The following MED13L variants were observed in gnomAD, a reference collection of about 807,000 sequenced individuals.
The protein encoded by MED13L is mediator complex subunit 13L.
A neutral mutation model predicts 220.9 loss-of-function variants in MED13L; 7 were observed. The observed-to-expected ratio is 0.03, with a 90% CI of 0.02 to 0.06. The LOEUF (loss-of-function observed/expected upper bound fraction) is 0.06. Ranked by LOEUF, MED13L falls within the 10% of genes least tolerant of loss-of-function variation. The probability of loss-of-function intolerance (pLI) is 1.00; values close to 1 mark genes in which losing one functional copy is unlikely to be tolerated. For synonymous variants in MED13L, 1,011 were observed against 1,015.2 expected, an observed-to-expected ratio of 1.00 and a Z score of 0.08; for missense variants, 1,965 against 2,760.5, an observed-to-expected ratio of 0.71 and a Z score of 6.46.
intron 17 of MED13L, among the ~76,000 whole-genome samples, chr12:115,989,760 CA>C (rs1414926803): frequency 6.6e-6 from 1 of 152,134 alleles, no homozygotes; most frequent in Non-Finnish European, 1.5e-5. Context: ...CCCTTATCCC[CA>C]AAACTCAACT....
In MED13L at chr12:116,015,420, T is replaced by A. The variant is rs1048028199; in HGVS notation, c.1010-146A>T. 17 of 815,218 alleles carry A rather than the reference T, an allele frequency of 2.1e-5. No individual in the cohort carries two copies. The African/African-American group carries it at 2.9e-4, about 14-fold the overall frequency. The allele number at this position is 815,218 out of a possible 1,614,324, so 50.5% of individuals were successfully genotyped here. On this transcript the variant is annotated intron_variant, in intron 7 of 30. Coordinates refer to ENST00000281928, the MANE Select transcript of MED13L (RefSeq NM_015335.5). The stretch of plus-strand genomic sequence containing the variant: ...TCCCTATCCCCTGGCAATAACACTA[T>A]CTATAATCATGAGTAAAATTTCTAT...
intron 2 of MED13L, among the ~76,000 whole-genome samples, chr12:116,182,737 T>C (rs949757793): frequency 6.6e-6 from 1 of 152,110 alleles, no homozygotes; most frequent in South Asian, 2.1e-4. Flanking sequence ...AGAACACAAT[T>C]TGGAAACTAA....
At chr12:116,064,294 T>C (rs1221364416) in intron 4 of MED13L, among the ~76,000 whole-genome samples, 2 of 152,102 alleles carry the variant, frequency 1.3e-5, no homozygotes, top group African/African-American at 2.4e-5. Flanking sequence ...GCTATGTAAA[T>C]AGTAGACTGT....
chr12:115,978,403 T>A, intron 23 of MED13L, among the ~76,000 whole-genome samples: 1 of 150,654 alleles, frequency 6.6e-6, no homozygotes, highest in Middle Eastern at 3.4e-3. Context: ...CTTGGCTCAC[T>A]GCAACCTCCA....
intron 14 of MED13L, among the ~76,000 whole-genome samples, chr12:115,998,128 A>G (rs557998330): frequency 1.3e-5 from 2 of 150,892 alleles, no homozygotes; most frequent in African/African-American, 4.9e-5. Flanking sequence ...CTCCTTCTTT[A>G]AAAAAAAAGT....
intron 2 of MED13L, among the ~76,000 whole-genome samples, chr12:116,234,824 A>AT (rs558295895): frequency 2.5e-4 from 37 of 146,202 alleles, no homozygotes; most frequent in East Asian, 4.0e-4. Context: ...CACCTGGCTA[A>AT]TTTTTTTTTT....
chr12:116,102,703 C>CTTTCTT (rs1873177078), intron 3 of MED13L, among the ~76,000 whole-genome samples: 1 of 63,204 alleles, frequency 1.6e-5, no homozygotes. Flanking sequence ...TTTTCTTTTT[C>CTTTCTT]TTTTTTCTTT....
At chr12:116,086,875 T>C (rs1306993175) in intron 4 of MED13L, among the ~76,000 whole-genome samples, 2 of 152,200 alleles carry the variant, frequency 1.3e-5, no homozygotes, top group African/African-American at 2.4e-5. Flanking sequence ...TTCAAATTCA[T>C]ACCAAAATCA....
intron 1 of MED13L, among the ~76,000 whole-genome samples, chr12:116,251,485 C>G (rs1303481893): frequency 7.0e-6 from 1 of 142,514 alleles, no homozygotes; most frequent in Non-Finnish European, 1.5e-5. Context: ...ACTGGCCAGA[C>G]GAGGTGGCTC....
chr12:116,070,400 G>A (rs1473065398), intron 4 of MED13L, among the ~76,000 whole-genome samples: 1 of 152,122 alleles, frequency 6.6e-6, no homozygotes, highest in Non-Finnish European at 1.5e-5. Flanking sequence ...CTAGGTCAAG[G>A]CACTCTCCTA....
At chr12:116,002,435 ACC>A (rs1434513391) in intron 14 of MED13L, among the ~76,000 whole-genome samples, 1 of 152,130 alleles carries the variant, frequency 6.6e-6, no homozygotes, top group East Asian at 1.9e-4. Flanking sequence ...CACATAAGCT[ACC>A]CTTTTTTTTC....
intron 2 of MED13L, among the ~76,000 whole-genome samples, chr12:116,128,474 A>G (rs1875791106): frequency 6.6e-6 from 1 of 152,146 alleles, no homozygotes; most frequent in African/African-American, 2.4e-5. Flanking sequence ...ATAAATTAAA[A>G]TACCACAATA....
Position 115,987,102 on chromosome 12 carries a change from A to G in MED13L, c.4114+7T>C. The G allele has an allele frequency of 6.2e-7, 1 of 1,613,934 alleles. No individual in the cohort carries two copies. Among genetic ancestry groups the G allele is most frequent in the Non-Finnish European group, 8.5e-7 (1 of 1,179,870 alleles). ...AGAAGGAATTTTAAACAGGACAAAG[A>G]CCCTACCGTAGGTTCCCCGTCCTGC... On this transcript the variant is annotated splice_region_variant and intron_variant, in intron 18 of 30. Coordinates refer to ENST00000281928, the MANE Select transcript of MED13L (RefSeq NM_015335.5).
rs549628045 is a variant in MED13L at position 116,186,762 on chromosome 12, A to G, written c.310+50706T>C. Among the ~76,000 whole-genome samples the G allele has an allele frequency of 2.0e-5, 3 of 152,328 alleles. No homozygotes were observed. The East Asian group carries it at 5.8e-4, about 29-fold the overall frequency. ...AAAAGGTCAAAACCTAAAACACAAAACAGGGTAGACACAGAAACACTGAAG... is the reference window on the plus strand; with the variant it reads ...AAAAGGTCAAAACCTAAAACACAAAGCAGGGTAGACACAGAAACACTGAAG... On this transcript the variant is annotated intron_variant, in intron 2 of 30. Transcript: ENST00000281928.
At chr12:115,989,647 C>T (rs1877925461) in intron 17 of MED13L, among the ~76,000 whole-genome samples, 1 of 152,172 alleles carries the variant, frequency 6.6e-6, no homozygotes, top group South Asian at 2.1e-4. Flanking sequence ...ACTTCCACAA[C>T]TCAATTTATA....
chr12:116,092,458 T>C (rs1872313344), intron 4 of MED13L, among the ~76,000 whole-genome samples: 1 of 151,194 alleles, frequency 6.6e-6, no homozygotes, highest in South Asian at 2.1e-4. Context: ...ATTCAGAAAA[T>C]GGAATAGCAG....
At chr12:116,122,752 G>C (rs1056630865) in intron 2 of MED13L, among the ~76,000 whole-genome samples, 1 of 152,120 alleles carries the variant, frequency 6.6e-6, no homozygotes, top group African/African-American at 2.4e-5. Flanking sequence ...GCCAGTTGCA[G>C]GATAACCAGA....
intron 2 of MED13L, among the ~76,000 whole-genome samples, chr12:116,163,609 T>C (rs534181196): frequency 1.3e-3 from 198 of 152,170 alleles, no homozygotes; most frequent in African/African-American, 4.4e-3. Context: ...ATGATCCACC[T>C]GCCTCGGCCT....
intron 2 of MED13L, among the ~76,000 whole-genome samples, chr12:116,130,068 A>G (rs1403843500): frequency 6.6e-6 from 1 of 152,206 alleles, no homozygotes; most frequent in Non-Finnish European, 1.5e-5. Context: ...GACCCTTGAT[A>G]TCATAAACAT....
Sources: allele counts gnomAD v4.1 joint callset (sites outside exome capture counted in the v4.1 genomes callset), GRCh38; gene constraint gnomAD v4.1.1; transcripts MANE v1.5; gene names NCBI Gene and HGNC (gene_info 2026-07-23, HGNC 2026-07-21).